Variants in KTN1 observed in about 807,000 individuals in gnomAD.
KTN1 encodes the protein kinectin.
KTN1 carries 130 observed loss-of-function variants against 222.5 expected under a neutral mutation model. The ratio of observed to expected loss-of-function variants is 0.58; its 90% CI spans 0.51 to 0.68. The LOEUF (loss-of-function observed/expected upper bound fraction) is 0.68. KTN1 is among the 30% of genes least tolerant of loss of function. The pLI is 0.00. For synonymous variants in KTN1, 512 were observed against 496.3 expected, an observed-to-expected ratio of 1.03 and a Z score of -0.42; for missense variants, 1,508 against 1,500.4, an observed-to-expected ratio of 1.01 and a Z score of -0.08.
chr14:55,671,791 AT>A lies in KTN1; in HGVS notation c.3449del (p.Leu1150TyrfsTer40). On this transcript the variant is annotated frameshift_variant, in exon 37 of 44. Coordinates refer to ENST00000395314, the MANE Select transcript of KTN1 (RefSeq NM_001079521.2). LOFTEE classifies it high-confidence loss of function. ...YKSVLAETEG[I>X]LQKLQRSVEQ... is the part of the protein sequence containing the mutation. ...ACTATGCTTTTGTCTGTAGGAAGGAATTTTACAGAAGCTACAGAGAAGTGTT... is the reference window on the plus strand; with the variant it reads ...ACTATGCTTTTGTCTGTAGGAAGGAATTTACAGAAGCTACAGAGAAGTGTT... 6.2e-7 allele frequency: 1 copy of A among 1,608,150 alleles called. No homozygotes were observed. Among genetic ancestry groups the A allele is most frequent in the Non-Finnish European group, 8.5e-7 (1 of 1,174,968 alleles).
intron 6 of KTN1, 118 bp downstream of exon 6, chr14:55,628,146 CTTTCCTT>C: frequency 1.5e-6 from 1 of 654,192 alleles, no homozygotes; most frequent in Non-Finnish European, 2.7e-6. Context: ...ACAAAAGTAA[CTTTCCTT>C]TAGAGTTTTG....
At chr14:55,673,332 C>CT (rs1479183429) in intron 40 of KTN1, 77 bp downstream of exon 40, 48 of 850,236 alleles carry the variant, frequency 5.6e-5, no homozygotes, top group Middle Eastern at 2.2e-4. Context: ...ACCATCCAGG[C>CT]TTTTTTTTCT....
intron 15 of KTN1, 62 bp downstream of exon 15, chr14:55,640,504 A>T: frequency 1.7e-6 from 2 of 1,169,680 alleles, no homozygotes; most frequent in Non-Finnish European, 2.5e-6. Context: ...TCTTATTTTC[A>T]TTGATATTGT....
chr14:55,640,301 G>GT (rs2041637112), intron 14 of KTN1, 73 bp from the exon 15 acceptor site: 1 of 1,051,768 alleles, frequency 9.5e-7, no homozygotes, highest in Non-Finnish European at 1.4e-6. Flanking sequence ...TAACTCTTTT[G>GT]TAGAAAAGAT....
At chr14:55,608,858 G>A (rs572649064) in intron 1 of KTN1, among the ~76,000 whole-genome samples, 175 of 151,960 alleles carry the variant, frequency 1.2e-3, no homozygotes, top group Non-Finnish European at 2.2e-3. Flanking sequence ...TCGAATTCCT[G>A]ACCTCAAGTG....
intron 40 of KTN1, chr14:55,674,285 T>C (rs567114174): frequency 2.6e-5 from 4 of 152,092 alleles, no homozygotes; most frequent in Non-Finnish European, 4.4e-5. Context: ...ATTTGTATTA[T>C]ATGCTTGCTC....
At chr14:55,581,137 G>A (rs1402116413) in intron 1 of KTN1, among the ~76,000 whole-genome samples, 1 of 152,250 alleles carries the variant, frequency 6.6e-6, no homozygotes, top group African/African-American at 2.4e-5. Flanking sequence ...AACTACGCGG[G>A]AAGTCTAGAG....
At chr14:55,645,942 G>T (rs1436757907) in intron 18 of KTN1, among the ~76,000 whole-genome samples, 3 of 152,078 alleles carry the variant, frequency 2.0e-5, no homozygotes, top group African/African-American at 7.2e-5. Flanking sequence ...ACAAAAAAAT[G>T]GGAAAAAAGT....
At chr14:55,679,745 T>C (rs1274565706) in intron 43 of KTN1, 60 bp downstream of exon 43, 3 of 1,510,898 alleles carry the variant, frequency 2.0e-6, no homozygotes, top group African/African-American at 2.8e-5. Context: ...CTGTGTAATG[T>C]GTATTTACAT....
At chr14:55,648,689 G>A (rs1412727251) in intron 20 of KTN1, 113 bp from the exon 21 acceptor site, 25 of 718,886 alleles carry the variant, frequency 3.5e-5, no homozygotes, top group Non-Finnish European at 5.6e-5. Flanking sequence ...AGAGTTTTGG[G>A]CCTTCCAGAG....
chr14:55,619,447 A>G (rs1327396000), intron 5 of KTN1, 135 bp downstream of exon 5: 1 of 782,896 alleles, frequency 1.3e-6, no homozygotes, highest in African/African-American at 1.7e-5. Context: ...TGCCTTCAGA[A>G]ATTACTTTAT....
chr14:55,614,064 G>A (rs952641217), intron 2 of KTN1, among the ~76,000 whole-genome samples: 2 of 152,172 alleles, frequency 1.3e-5, no homozygotes, highest in Admixed American at 1.3e-4. Flanking sequence ...CAAGAGTACA[G>A]TGTATTATTG....
Position 55,618,014 on chromosome 14 carries a change from G to A in KTN1, c.712G>A (p.Asp238Asn). 1.2e-6 allele frequency: 2 copies of A among 1,612,082 alleles called. No homozygotes were observed. Among genetic ancestry groups the A allele is most frequent in the Non-Finnish European group, 1.7e-6 (2 of 1,178,768 alleles). ...TGCAACTACTTATATTCCTTTGATG[G>A]ATAATGCTGACTCAAGTCCTGTGGT... Reference protein sequence around the residue: ...IHATTYIPLMDNADSSPVVDK... With the variant: ...IHATTYIPLMNNADSSPVVDK... Residue 238 changes from aspartate (D) to asparagine (N), a missense_variant, in exon 4 of 44, where the codon GAT (aspartate) becomes AAT (asparagine). Physicochemically the swap from Asp to Asn is conservative, Grantham distance 23. Transcript: ENST00000395314.
chr14:55,637,148 GTAAC>G (rs2041223497), intron 10 of KTN1, 46 bp from the exon 11 acceptor site: 2 of 1,387,202 alleles, frequency 1.4e-6, no homozygotes, highest in African/African-American at 1.5e-5. Flanking sequence ...ATGAGTATGA[GTAAC>G]TAGGCAAAGA....
At chr14:55,600,588 C>CT in intron 1 of KTN1, among the ~76,000 whole-genome samples, 1 of 152,276 alleles carries the variant, frequency 6.6e-6, no homozygotes, top group Non-Finnish European at 1.5e-5. Flanking sequence ...GGTCTAATCT[C>CT]TGAGTGGCTA....
intron 18 of KTN1, among the ~76,000 whole-genome samples, chr14:55,646,460 T>TTTTCCCTTTCC (rs1566788057): frequency 9.6e-4 from 47 of 48,982 alleles, no homozygotes; most frequent in Non-Finnish European, 1.6e-3. Flanking sequence ...TTCCTTTTCC[T>TTTTCCCTTTCC]TTTCCTTTCC....
intron 2 of KTN1, among the ~76,000 whole-genome samples, chr14:55,614,709 T>C (rs1341365792): frequency 6.6e-6 from 1 of 152,248 alleles, no homozygotes; most frequent in East Asian, 1.9e-4. Context: ...TATGACTGGC[T>C]TTCATGCTGC....
intron 43 of KTN1, 66 bp from the exon 44 acceptor site, chr14:55,684,033 A>C (rs377589799): frequency 5.6e-6 from 8 of 1,440,976 alleles, no homozygotes; most frequent in Non-Finnish European, 7.7e-6. Flanking sequence ...TGTTTGACAA[A>C]TGTCTTCTGA....
In KTN1 at chr14:55,659,705, TA is replaced by T; in HGVS notation, c.2999+4del. 6.9e-7 allele frequency: 1 copy of T among 1,448,046 alleles called. No homozygotes were observed. The highest frequency in any genetic ancestry group is 9.7e-7 in the Non-Finnish European group (1 of 1,030,806). The allele number at this position is 1,448,046 out of a possible 1,614,324, so 89.7% of individuals were successfully genotyped here. A position where few individuals can be genotyped will look rare whatever the true frequency, so the allele number is the denominator to read the frequency against. On this transcript the variant is annotated splice_donor_region_variant and intron_variant, in intron 31 of 43. Transcript: ENST00000395314. ...CCCTCATGAAGAATTATTAAAAGTG[TA>T]AGTAATAAGTTTGAGTCACAGTTTA...
Sources: allele counts gnomAD v4.1 joint callset (sites outside exome capture counted in the v4.1 genomes callset), GRCh38; gene constraint gnomAD v4.1.1; transcripts MANE v1.5; gene names NCBI Gene and HGNC (gene_info 2026-07-23, HGNC 2026-07-21).